The following SPARC variants were observed in gnomAD, a reference collection of about 807,000 sequenced individuals.
The protein encoded by SPARC is secreted protein acidic and cysteine rich.
A neutral mutation model predicts 37.7 loss-of-function variants in SPARC; 23 were observed. That is an observed-to-expected ratio of 0.61 (90% CI 0.44 to 0.87). The LOEUF is 0.87. SPARC is among the 40% of genes least tolerant of loss of function. SPARC has a pLI of 0.00. For synonymous variants in SPARC, 155 were observed against 150.8 expected, an observed-to-expected ratio of 1.03 and a Z score of -0.20; for missense variants, 312 against 389.0, an observed-to-expected ratio of 0.80 and a Z score of 1.66.
chr5:151,666,470 C>T lies in SPARC; in HGVS notation c.625G>A (p.Gly209Arg), dbSNP rs1029602247. 1.9e-6 allele frequency: 3 copies of T among 1,614,042 alleles called. No individual in the cohort carries two copies. The highest frequency in any genetic ancestry group is 1.7e-6 in the Non-Finnish European group (2 of 1,180,022). Residue 209 changes from glycine to arginine, a missense_variant, in exon 8 of 10, where the codon GGA becomes AGA. Gly to Arg is a moderately radical substitution (Grantham distance 125). Coordinates refer to ENST00000231061, the MANE Select transcript of SPARC (RefSeq NM_003118.4). ...GCCAGCAGCTCCACGGGGTGGTCTC[C>T]TGCCTCCAGGCGCTTCTCATTCTCA... ...IHENEKRLEA[G>R]DHPVELLARD...
At chr5:151,675,551 G>C (rs1760836693) in intron 2 of SPARC, among the ~76,000 whole-genome samples, 1 of 152,124 alleles carries the variant, frequency 6.6e-6, no homozygotes, top group Non-Finnish European at 1.5e-5. Context: ...AAAATTGCTG[G>C]AGTTGATTCA....
At chr5:151,677,816 A>G (rs928798385) in intron 1 of SPARC, among the ~76,000 whole-genome samples, 1 of 152,158 alleles carries the variant, frequency 6.6e-6, no homozygotes, top group African/African-American at 2.4e-5. Context: ...CCCCTATTGC[A>G]CAGAGTGAAT....
chr5:151,671,932 G>A (rs377730720), intron 4 of SPARC: 1 of 493,662 alleles, frequency 2.0e-6, no homozygotes, highest in Non-Finnish European at 3.6e-6. Flanking sequence ...ACTTCTGGGG[G>A]GCTGGAGGCT....
chr5:151,682,345 T>C (rs1761014191), intron 1 of SPARC, among the ~76,000 whole-genome samples: 1 of 152,198 alleles, frequency 6.6e-6, no homozygotes, highest in Non-Finnish European at 1.5e-5. Flanking sequence ...GCTTCATCCT[T>C]GGCTCCCTCT....
chr5:151,683,018 AATTCCGTCAAGT>A (rs965273045), intron 1 of SPARC, among the ~76,000 whole-genome samples: 4 of 149,796 alleles, frequency 2.7e-5, no homozygotes, highest in Non-Finnish European at 6.0e-5. Context: ...TTCTCTAAAT[AATTCCGTCAAGT>A]CACTACTTGC....
Position 151,662,548 on chromosome 5 carries a change from G to C in SPARC, c.*1023C>G, listed in dbSNP as rs1299214091. The C allele has an allele frequency of 6.6e-6, 1 of 152,574 alleles. No homozygotes were observed. Among genetic ancestry groups the C allele is most frequent in the African/African-American group, 2.4e-5 (1 of 41,410 alleles). The allele number at this position is 152,574 out of a possible 1,614,324, so 9.5% of individuals were successfully genotyped here. ...GCTTTTTCATGAAATGCTTGGAGGTGAACGAGTTCTCAGCCTGTGAGATCC... is the reference window on the plus strand; with the variant it reads ...GCTTTTTCATGAAATGCTTGGAGGTCAACGAGTTCTCAGCCTGTGAGATCC... On this transcript the variant is annotated 3_prime_UTR_variant, in exon 10 of 10. Transcript: ENST00000231061.
Position 151,667,539 on chromosome 5 carries a change from G to C in SPARC, c.513C>G (p.Leu171=), listed in dbSNP as rs2304049. The part of the protein sequence containing the change: ...TEFPLRMRDW[L]KNVLVTLYER... Reference sequence around the variant, plus strand: ...CATACAGGGTGACCAGGACGTTCTTGAGCCAGTCCCGCATGCGCAGGGGGA... The same window carrying C: ...CATACAGGGTGACCAGGACGTTCTTCAGCCAGTCCCGCATGCGCAGGGGGA... Residue 171 remains leucine, a synonymous_variant, in exon 7 of 10, where the codon CTC becomes CTG. Transcript: ENST00000231061. The C allele has an allele frequency of 3.5e-4, 563 of 1,614,170 alleles. 10 individuals are homozygous for C. The East Asian group carries it at 0.012, about 35-fold the overall frequency.
rs1402425055 is a variant in SPARC at position 151,661,673 on chromosome 5, A to C, written c.*1898T>G. ...AAAAGTGCTCTGTAGTCTTATGATG[A>C]TCTAGAAGAGCACTGTCCAATAGAA... is the stretch of plus-strand genomic sequence containing the variant. On this transcript the variant is annotated 3_prime_UTR_variant, in exon 10 of 10. Transcript: ENST00000231061. 1 of 152,186 alleles carries C rather than the reference A, an allele frequency of 6.6e-6. No homozygotes were observed. The highest frequency in any genetic ancestry group is 1.5e-5 in the Non-Finnish European group (1 of 68,032). The allele number at this position is 152,186 out of a possible 1,614,324, so 9.4% of individuals were successfully genotyped here.
chr5:151,667,906 T>TGAGCCC (rs1760665302), intron 6 of SPARC, among the ~76,000 whole-genome samples: 2 of 152,224 alleles, frequency 1.3e-5, no homozygotes, highest in South Asian at 4.1e-4. Flanking sequence ...TAGCTGAGAC[T>TGAGCCC]GAGCCCATGT....
At chr5:151,683,712 ATCTG>A (rs1415357272) in intron 1 of SPARC, among the ~76,000 whole-genome samples, 1 of 152,228 alleles carries the variant, frequency 6.6e-6, no homozygotes, top group Non-Finnish European at 1.5e-5. Context: ...CTGACTTAGC[ATCTG>A]TCTGTTTCAG....
At chr5:151,672,963 C>T (rs1760778997) in intron 4 of SPARC, 166 bp downstream of exon 4, 2 of 633,040 alleles carry the variant, frequency 3.2e-6, no homozygotes, top group Non-Finnish European at 5.8e-6. Flanking sequence ...GGACTGAGTG[C>T]CACAGTTTCC....
intron 1 of SPARC, among the ~76,000 whole-genome samples, chr5:151,684,623 A>G (rs933048400): frequency 6.6e-6 from 1 of 151,102 alleles, no homozygotes; most frequent in Non-Finnish European, 1.5e-5. Flanking sequence ...AAAAAAAAAA[A>G]GCTGAGAATG....
At chr5:151,667,346 G>C (rs1324785564) in intron 7 of SPARC, 121 bp downstream of exon 7, 5 of 1,073,194 alleles carry the variant, frequency 4.7e-6, no homozygotes, top group African/African-American at 3.1e-5. Flanking sequence ...ACGTGTCCTG[G>C]TGCTCAGGGG....
At chr5:151,679,699 G>A (rs1760941684) in intron 1 of SPARC, 1 of 152,312 alleles carries the variant, frequency 6.6e-6, no homozygotes, top group Non-Finnish European at 1.5e-5. Context: ...ACCTGAAGCT[G>A]AGGTCACTTC....
intron 3 of SPARC, among the ~76,000 whole-genome samples, chr5:151,673,543 G>T (rs1206448402): frequency 6.6e-6 from 1 of 152,204 alleles, no homozygotes; most frequent in Admixed American, 6.5e-5. Context: ...GCTCACCTGA[G>T]ACAAACGCTT....
rs1478907106 is a variant in SPARC at position 151,673,297 on chromosome 5, A to G, written c.121-81T>C. 3.2e-6 allele frequency: 3 copies of G among 937,906 alleles called. No individual in the cohort carries two copies. The Admixed American group carries it at 5.1e-5, about 16-fold the overall frequency. The allele number at this position is 937,906 out of a possible 1,614,324, so 58.1% of individuals were successfully genotyped here. On this transcript the variant is annotated intron_variant, in intron 3 of 9. Transcript: ENST00000231061. ...AAGGGTAGCTGAAGGGTTCCAGGTC[A>G]CAGAAAGCACAAACGCAGGGTTGGG...
At chr5:151,673,070 C>T in intron 4 of SPARC, 59 bp downstream of exon 4, 1 of 1,238,866 alleles carries the variant, frequency 8.1e-7, no homozygotes, top group South Asian at 1.2e-5. Context: ...GTCCTCGTGC[C>T]CCAGGCCCAG....
At chr5:151,680,308 A>G (rs1015246990) in intron 1 of SPARC, among the ~76,000 whole-genome samples, 6 of 137,650 alleles carry the variant, frequency 4.4e-5, no homozygotes, top group African/African-American at 1.7e-4. Flanking sequence ...GCTCACTGCA[A>G]CCTCTGCCTC....
Position 151,667,599 on chromosome 5 carries a change from G to A in SPARC, c.453C>T (p.Tyr151=). The stretch of plus-strand genomic sequence containing the variant: ...GCTCAGAGTCCAGGCAAGGGGGGAT[G>A]TCTAGGTTCCAAACACAAGGGCGGT... ...LHLDYIGPCK[Y]IPPCLDSELT... is the part of the protein sequence containing the mutation. Residue 151 remains tyrosine (Y), a splice_region_variant and synonymous_variant, in exon 7 of 10, where the codon TAC becomes TAT. Transcript: ENST00000231061. The A allele has an allele frequency of 6.2e-6, 10 of 1,614,082 alleles. No homozygotes were observed. Among genetic ancestry groups the A allele is most frequent in the Non-Finnish European group, 6.8e-6 (8 of 1,179,978 alleles).
Sources: gnomAD v4.1 joint callset for allele counts (sites outside exome capture counted in the v4.1 genomes callset) on GRCh38, gnomAD v4.1.1 for gene constraint, MANE v1.5 for transcripts, NCBI Gene and HGNC (gene_info 2026-07-23, HGNC 2026-07-21) for gene names.